CEP112: variants seen among roughly 807,000 people sequenced by gnomAD.
CEP112 encodes centrosomal protein of 112 kDa.
In CEP112, 127 loss-of-function variants were observed where a neutral mutation model predicts 153.0. The observed-to-expected ratio is 0.83, with a 90% CI of 0.72 to 0.96. The LOEUF (loss-of-function observed/expected upper bound fraction) is 0.96, where lower values mean the gene tolerates loss of function less well. Ranked by LOEUF, CEP112 falls within the 40% of genes least tolerant of loss-of-function variation. The pLI is 0.00. For missense variants in CEP112, 1,089 were observed against 1,101.2 expected (o/e 0.99, Z 0.16); for synonymous variants, 358 against 374.4 (o/e 0.96, Z 0.51).
intron 19 of CEP112, among the ~76,000 whole-genome samples, chr17:65,902,866 A>G (rs2059926729): frequency 6.6e-6 from 1 of 152,260 alleles, no homozygotes; most frequent in East Asian, 1.9e-4. Context: ...ACATAAACAG[A>G]TGTTATGTGT....
intron 21 of CEP112, among the ~76,000 whole-genome samples, chr17:65,763,865 C>T (rs2052763483): frequency 1.3e-5 from 2 of 151,800 alleles, no homozygotes; most frequent in African/African-American, 2.4e-5. Context: ...TTTTTGTATG[C>T]CTTGTAATTT....
intron 12 of CEP112, among the ~76,000 whole-genome samples, chr17:66,040,202 T>C: frequency 6.6e-6 from 1 of 152,182 alleles, no homozygotes; most frequent in East Asian, 1.9e-4. Context: ...ATTCTGTATC[T>C]TTGTCAAAAC....
chr17:65,643,508 C>T (rs1598171578), intron 24 of CEP112, among the ~76,000 whole-genome samples: 1 of 150,866 alleles, frequency 6.6e-6, no homozygotes. Flanking sequence ...ACCTTGTAGG[C>T]TAGGCTGGTC....
intron 3 of CEP112, among the ~76,000 whole-genome samples, chr17:66,175,765 A>T (rs2072443378): frequency 6.6e-6 from 1 of 152,232 alleles, no homozygotes; most frequent in African/African-American, 2.4e-5. Context: ...ATTATTTGTT[A>T]AATAAAGCCC....
intron 4 of CEP112, among the ~76,000 whole-genome samples, chr17:66,169,400 C>T (rs111764004): frequency 0.18 from 26,584 of 150,946 alleles, 2,549 homozygotes; most frequent in Non-Finnish European, 0.22. Context: ...TCTCCTGCCT[C>T]GGCCTCCCGA....
intron 17 of CEP112, among the ~76,000 whole-genome samples, chr17:65,965,595 T>C (rs2144826208): frequency 6.9e-6 from 1 of 144,780 alleles, no homozygotes; most frequent in East Asian, 2.3e-4. Context: ...CAATCAGGGC[T>C]CACTGCAGCC....
At chr17:65,914,792 G>A (rs911545144) in intron 19 of CEP112, among the ~76,000 whole-genome samples, 3 of 151,940 alleles carry the variant, frequency 2.0e-5, no homozygotes, top group African/African-American at 4.8e-5. Context: ...GACCACACAC[G>A]TCCCTCTAGA....
chr17:65,828,158 A>T (rs1022976375), intron 21 of CEP112, among the ~76,000 whole-genome samples: 1 of 152,234 alleles, frequency 6.6e-6, no homozygotes, highest in African/African-American at 2.4e-5. Flanking sequence ...AATTAAGCAC[A>T]AAATGCTGAA....
chr17:65,853,873 C>A (rs561942782), intron 20 of CEP112, among the ~76,000 whole-genome samples: 6 of 152,272 alleles, frequency 3.9e-5, no homozygotes, highest in African/African-American at 1.4e-4. Context: ...TAGTCTATCT[C>A]CCATTAATTC....
intron 25 of CEP112, among the ~76,000 whole-genome samples, chr17:65,639,823 T>C (rs963562865): frequency 2.0e-5 from 3 of 146,820 alleles, no homozygotes; most frequent in Non-Finnish European, 4.5e-5. Context: ...TTCTTTTTTT[T>C]CTCTCTTTCT....
At chr17:65,808,738 C>T (rs2055765755) in intron 21 of CEP112, among the ~76,000 whole-genome samples, 1 of 152,136 alleles carries the variant, frequency 6.6e-6, no homozygotes, top group African/African-American at 2.4e-5. Context: ...CTGAGGCCAC[C>T]CAGTCATGCT....
chr17:66,001,151 C>G (rs2064029245), intron 17 of CEP112, among the ~76,000 whole-genome samples: 2 of 152,182 alleles, frequency 1.3e-5, no homozygotes, highest in Admixed American at 1.3e-4. Context: ...GTCACCCGGC[C>G]TCAGGGAGAC....
chr17:65,724,197 T>C (rs1598404058), intron 23 of CEP112, among the ~76,000 whole-genome samples: 2 of 152,354 alleles, frequency 1.3e-5, no homozygotes, highest in East Asian at 3.9e-4. Flanking sequence ...ATTATAGCAA[T>C]AGCCTCCCAT....
intron 6 of CEP112, among the ~76,000 whole-genome samples, chr17:66,105,192 GCAAT>G (rs2068732388): frequency 6.6e-6 from 1 of 152,282 alleles, no homozygotes; most frequent in Admixed American, 6.5e-5. Flanking sequence ...GCTTGTTTAT[GCAAT>G]CAGTGTTAAA....
chr17:65,839,415 T>A (rs1330325570), intron 21 of CEP112, among the ~76,000 whole-genome samples: 2 of 151,218 alleles, frequency 1.3e-5, no homozygotes, highest in Non-Finnish European at 3.0e-5. Context: ...AACCATATGG[T>A]CACTTTAGTA....
intron 21 of CEP112, among the ~76,000 whole-genome samples, chr17:65,754,638 AAATAAAATAC>A (rs893021724): frequency 2.4e-4 from 37 of 152,246 alleles, no homozygotes; most frequent in African/African-American, 8.7e-4. Context: ...AGATAAAATA[AAATAAAATAC>A]AATACAGTGT....
intron 16 of CEP112, among the ~76,000 whole-genome samples, chr17:66,011,055 C>G (rs534201925): frequency 1.5e-4 from 23 of 152,110 alleles, no homozygotes; most frequent in Admixed American, 3.9e-4. Context: ...CTTTACACAT[C>G]TGCTAGAATT....
At chr17:65,678,936 T>G (rs1476321547) in intron 24 of CEP112, among the ~76,000 whole-genome samples, 1 of 151,962 alleles carries the variant, frequency 6.6e-6, no homozygotes, top group East Asian at 1.9e-4. Context: ...ACCAGAAGAG[T>G]GCTTTAAGTG....
chr17:65,940,182 G>A (rs2061465207), intron 18 of CEP112, among the ~76,000 whole-genome samples: 3 of 152,156 alleles, frequency 2.0e-5, no homozygotes, highest in Admixed American at 2.0e-4. Flanking sequence ...AAACTACAAT[G>A]AGATATCACT....
Sources: allele counts gnomAD v4.1 joint callset (sites outside exome capture counted in the v4.1 genomes callset), GRCh38; gene constraint gnomAD v4.1.1; transcripts MANE v1.5; gene names NCBI Gene and HGNC (gene_info 2026-07-23, HGNC 2026-07-21).